EFCAB12: variants seen among roughly 807,000 people sequenced by gnomAD.
The protein encoded by EFCAB12 is EF-hand calcium binding domain 12, also known as EF-hand calcium-binding domain-containing protein 12.
EFCAB12 carries 43 observed loss-of-function variants against 53.6 expected under a neutral mutation model. The ratio of observed to expected loss-of-function variants is 0.80; its 90% CI spans 0.63 to 1.03. EFCAB12 has a LOEUF of 1.03. Among genes scored for constraint, EFCAB12 ranks in the 50% least tolerant of loss-of-function variants. The pLI is 0.00. For missense variants in EFCAB12, 646 were observed against 730.6 expected (o/e 0.88, Z 1.34); for synonymous variants, 269 against 289.2 (o/e 0.93, Z 0.71).
intron 5 of EFCAB12, among the ~76,000 whole-genome samples, chr3:129,410,710 T>C (rs1261275879): frequency 3.3e-5 from 5 of 152,238 alleles, no homozygotes; most frequent in Non-Finnish European, 5.9e-5. Flanking sequence ...GGGACTGTTA[T>C]GCTTACTATA....
intron 6 of EFCAB12, among the ~76,000 whole-genome samples, chr3:129,405,786 C>T (rs542509523): frequency 1.3e-5 from 2 of 152,196 alleles, no homozygotes; most frequent in South Asian, 2.1e-4. Context: ...ATAAAGATAC[C>T]GAATAGCAAG....
chr3:129,406,591 C>A (rs2071954445), intron 6 of EFCAB12, among the ~76,000 whole-genome samples: 1 of 152,114 alleles, frequency 6.6e-6, no homozygotes, highest in South Asian at 2.1e-4. Flanking sequence ...CAACTTCGAC[C>A]TCCCAGGCTC....
intron 3 of EFCAB12, among the ~76,000 whole-genome samples, chr3:129,416,614 G>A (rs1304002615): frequency 1.3e-5 from 2 of 152,186 alleles, no homozygotes; most frequent in African/African-American, 4.8e-5. Flanking sequence ...AGACATCACA[G>A]TCAACTCCCT....
rs771800923 is a variant in EFCAB12 at position 129,408,756 on chromosome 3, T to C, written c.1138A>G (p.Met380Val). ...HCLPSTIHGD[M>V]RELIDSARRH... ...CGGGCCGAGTCAATGAGCTCCCTCA[T>C]ATCCCCGTGGATGGTGGACGGGAGG... The change falls in exon 6 of 9, where the codon ATG becomes GTG. Residue 380 changes from methionine (M) to valine (V), a missense_variant. Transcript: ENST00000505956. The C allele has an allele frequency of 5.7e-6, 9 of 1,582,894 alleles. No homozygotes were observed. The highest frequency in any genetic ancestry group is 7.7e-6 in the Non-Finnish European group (9 of 1,163,714).
chr3:129,410,199 G>A (rs181842119), intron 5 of EFCAB12, among the ~76,000 whole-genome samples: 4 of 151,838 alleles, frequency 2.6e-5, no homozygotes, highest in Non-Finnish European at 5.9e-5. Flanking sequence ...GTGTAGAGAC[G>A]GGGCCTTGCT....
intron 1 of EFCAB12, among the ~76,000 whole-genome samples, chr3:129,426,359 GTTTTTTTTTT>G (rs71620055): frequency 2.3e-5 from 2 of 87,808 alleles, no homozygotes; most frequent in Non-Finnish European, 4.7e-5. Context: ...GTTTTTTTTT[GTTTTTTTTTT>G]TTTTTTTTTT....
chr3:129,401,825 C>T lies in EFCAB12; in HGVS notation c.1487G>A (p.Gly496Asp), dbSNP rs773304792. The change falls in exon 9 of 9, where the codon GGT becomes GAT. Residue 496 changes from glycine (G) to aspartate (D), a missense_variant. By Grantham distance (94) the Gly-to-Asp change is moderately conservative. Coordinates refer to ENST00000505956, the MANE Select transcript of EFCAB12 (RefSeq NM_207307.3). ...TRKLKVKRSSGLQQTHPNSFW... is the reference protein window; with the variant it reads ...TRKLKVKRSSDLQQTHPNSFW... ...GGAATTGGGGTGTGTTTGCTGCAGA[C>T]CACTGGACCTCTTCACCTTCAGCTT... The T allele has an allele frequency of 1.6e-5, 25 of 1,612,646 alleles. 1 individual carries two copies. The highest frequency in any genetic ancestry group is 3.3e-4 in the Middle Eastern group (2 of 6,072).
chr3:129,401,879 TTG>T, intron 8 of EFCAB12, 28 bp from the exon 9 acceptor site: 1 of 1,603,072 alleles, frequency 6.2e-7, no homozygotes, highest in South Asian at 1.1e-5. Flanking sequence ...ACAGGGATGG[TTG>T]TCATGGCAGA....
At chr3:129,418,668 C>T (rs1348695513) in intron 2 of EFCAB12, 5 of 435,876 alleles carry the variant, frequency 1.1e-5, no homozygotes, top group Non-Finnish European at 2.0e-5. Context: ...AAACACAAGG[C>T]TTGGGCAATA....
chr3:129,419,267 T>A (rs771880116), intron 2 of EFCAB12, among the ~76,000 whole-genome samples: 28 of 152,218 alleles, frequency 1.8e-4, no homozygotes, highest in Non-Finnish European at 3.7e-4. Flanking sequence ...ATAATTAATT[T>A]ACATTATTAA....
chr3:129,412,680 A>C (rs1045813162), intron 4 of EFCAB12: 1 of 152,476 alleles, frequency 6.6e-6, no homozygotes, highest in Non-Finnish European at 1.5e-5. Context: ...CTTGCAAGCT[A>C]TCCTACCCCA....
At chr3:129,409,458 G>A (rs2072002161) in intron 5 of EFCAB12, among the ~76,000 whole-genome samples, 1 of 152,010 alleles carries the variant, frequency 6.6e-6, no homozygotes, top group African/African-American at 2.4e-5. Flanking sequence ...GAAAAGAAAA[G>A]AAGAGAAGAA....
At chr3:129,419,593 G>A (rs184820728) in intron 2 of EFCAB12, among the ~76,000 whole-genome samples, 48 of 152,244 alleles carry the variant, frequency 3.2e-4, no homozygotes, top group Middle Eastern at 3.4e-3. Flanking sequence ...GCTCCCTCTC[G>A]TGCACCCCCT....
At chr3:129,403,827 A>AC (rs2071909294) in intron 7 of EFCAB12, 2 of 154,652 alleles carry the variant, frequency 1.3e-5, no homozygotes, top group Admixed American at 1.3e-4. Context: ...CTGCAAGCCC[A>AC]CCTCTTGCCA....
At chr3:129,419,260 A>T (rs1045555852) in intron 2 of EFCAB12, among the ~76,000 whole-genome samples, 1 of 152,232 alleles carries the variant, frequency 6.6e-6, no homozygotes, top group Admixed American at 6.5e-5. Flanking sequence ...TAAATTTATA[A>T]TTAATTTACA....
intron 6 of EFCAB12, 144 bp from the exon 7 acceptor site, chr3:129,404,547 ATTG>A: frequency 1.0e-6 from 1 of 982,042 alleles, no homozygotes; most frequent in East Asian, 2.9e-5. Flanking sequence ...GTAACTTTTT[ATTG>A]TTGAATAGTT....
In EFCAB12 at chr3:129,404,292, A is replaced by G. The variant is rs951713734; in HGVS notation, c.1361T>C (p.Leu454Pro). 1 of 1,613,820 alleles carries G rather than the reference A, an allele frequency of 6.2e-7. No individual in the cohort carries two copies. Among genetic ancestry groups the G allele is most frequent in the African/African-American group, 1.3e-5 (1 of 74,888 alleles). Residue 454 changes from leucine (L) to proline (P), a missense_variant, in exon 7 of 9, where the codon CTG becomes CCG. By Grantham distance (98) the Leu-to-Pro change is moderately conservative. Coordinates refer to ENST00000505956, the MANE Select transcript of EFCAB12 (RefSeq NM_207307.3). ...DWKVFSPNLA[L>P]LRSQGPGKSK... ...CTTGCCAGGGCCCTGGGACCGGAGCAGAGCCAGATTCGGAGAAAAGACCTT... is the reference window on the plus strand; with the variant it reads ...CTTGCCAGGGCCCTGGGACCGGAGCGGAGCCAGATTCGGAGAAAAGACCTT...
chr3:129,423,484 C>T (rs1014282579), intron 1 of EFCAB12, among the ~76,000 whole-genome samples: 8 of 151,926 alleles, frequency 5.3e-5, no homozygotes, highest in African/African-American at 9.7e-5. Context: ...AAAAACTAGC[C>T]GGGCATGGTG....
intron 7 of EFCAB12, 73 bp downstream of exon 7, chr3:129,404,177 C>T (rs1006820430): frequency 6.5e-7 from 1 of 1,541,306 alleles, no homozygotes; most frequent in East Asian, 2.3e-5. Flanking sequence ...ACTCCAGCCT[C>T]CAGCCCCCAC....
Sources: allele counts gnomAD v4.1 joint callset (sites outside exome capture counted in the v4.1 genomes callset), GRCh38; gene constraint gnomAD v4.1.1; transcripts MANE v1.5; gene names NCBI Gene and HGNC (gene_info 2026-07-23, HGNC 2026-07-21).